SIRPA: variants seen among roughly 807,000 people sequenced by gnomAD.
SIRPA encodes the protein tyrosine-protein phosphatase non-receptor type substrate 1.
A neutral mutation model predicts 50.3 loss-of-function variants in SIRPA; 9 were observed. The observed-to-expected ratio is 0.18, with a 90% CI of 0.11 to 0.31. The LOEUF is 0.31. Ranked by LOEUF, SIRPA falls within the 10% of genes least tolerant of loss-of-function variation. SIRPA has a pLI of 1.00. For synonymous variants in SIRPA, 265 were observed against 284.1 expected (o/e 0.93, Z 0.68); for missense variants, 474 against 661.6 (o/e 0.72, Z 3.11).
intron 1 of SIRPA, among the ~76,000 whole-genome samples, chr20:1,895,993 C>A (rs1371528268): frequency 6.6e-6 from 1 of 152,212 alleles, no homozygotes; most frequent in East Asian, 1.9e-4. Context: ...GGAACAGAGA[C>A]AAGCTGTTGC....
intron 6 of SIRPA, among the ~76,000 whole-genome samples, chr20:1,931,402 A>C (rs1399352554): frequency 6.8e-6 from 1 of 146,280 alleles, no homozygotes; most frequent in African/African-American, 2.5e-5. Context: ...TCTTGTACTA[A>C]AGCTAGTGCC....
chr20:1,908,282 CTGCT>C (rs1305964723), intron 1 of SIRPA, among the ~76,000 whole-genome samples: 1 of 152,038 alleles, frequency 6.6e-6, no homozygotes, highest in Non-Finnish European at 1.5e-5. Flanking sequence ...GCATACCTCC[CTGCT>C]TGTCAATGCA....
intron 2 of SIRPA, 120 bp from the exon 3 acceptor site, chr20:1,921,275 C>T (rs1396957652): frequency 1.3e-6 from 2 of 1,550,878 alleles, no homozygotes; most frequent in Admixed American, 1.8e-5. Context: ...CTCATTAATC[C>T]TTCCACATTA....
At chr20:1,895,625 A>G in intron 1 of SIRPA, 99 bp downstream of exon 1, 1 of 917,476 alleles carries the variant, frequency 1.1e-6, no homozygotes, top group Non-Finnish European at 1.5e-6. Flanking sequence ...CCGAGCAGTA[A>G]TAGGGGGAGA....
chr20:1,899,847 G>C, intron 1 of SIRPA, among the ~76,000 whole-genome samples: 1 of 152,198 alleles, frequency 6.6e-6, no homozygotes, highest in South Asian at 2.1e-4. Flanking sequence ...TCTATTGCAA[G>C]GATTAAGTTA....
Position 1,927,866 on chromosome 20 carries a change from G to C in SIRPA, c.1202-9G>C. On this transcript the variant is annotated splice_polypyrimidine_tract_variant and intron_variant, in intron 5 of 7. Transcript: ENST00000358771. The surrounding 1 kb of genome is among the most constrained non-coding windows in gnomAD (Gnocchi z 6.5). ...TAAACAACTGGCTTTTGTTTCTTTT[G>C]TCTTTCAGCCCAGGGCTCCACTTCT... The C allele has an allele frequency of 6.2e-7, 1 of 1,613,826 alleles. No individual in the cohort carries two copies. Among genetic ancestry groups the C allele is most frequent in the Non-Finnish European group, 8.5e-7 (1 of 1,179,714 alleles).
chr20:1,915,826 G>A lies in SIRPA; in HGVS notation c.436+371G>A, dbSNP rs572193051. Among the ~76,000 whole-genome samples, 12 of 152,332 alleles carry A rather than the reference G, an allele frequency of 7.9e-5. No homozygotes were observed. The South Asian group carries it at 1.9e-3, about 24-fold the overall frequency. ...AGAGCACTTCCCTCTCAGGGCAGCC[G>A]AGTCTCCTCTATGTGACAGGCACTC... On this transcript the variant is annotated intron_variant, in intron 2 of 7. Coordinates refer to ENST00000358771, the MANE Select transcript of SIRPA (RefSeq NM_001040023.2).
intron 1 of SIRPA, 38 bp downstream of exon 1, chr20:1,895,564 A>G (rs1250194853): frequency 7.3e-7 from 1 of 1,370,704 alleles, no homozygotes; most frequent in Non-Finnish European, 9.4e-7. Context: ...GCACTCCCCA[A>G]ACTGCGGGCT....
chr20:1,895,029 T>TCGCGCGGTCCTCTCTCC (rs1472082174), upstream of SIRPA, among the ~76,000 whole-genome samples: 159 of 149,078 alleles, frequency 1.1e-3, 1 homozygote, highest in African/African-American at 3.8e-3. Flanking sequence ...TCGCCCCTGC[T>TCGCGCGGTCCTCTCTCC]CGCGCGGTCC....
At position 1,903,484 on chromosome 20, in the gene SIRPA, C is replaced by T. The variant is rs533838886; in HGVS notation, c.79+7958C>T. On this transcript the variant is annotated intron_variant, in intron 1 of 7. Transcript: ENST00000358771. ...TGCTTTCCGCAGCCGTCCTTGCCCC[C>T]TTCGGGCTCTTCACCCATAGCAGCT... 7.9e-5 allele frequency among the ~76,000 whole-genome samples: 12 copies of T among 152,310 alleles called. No homozygotes were observed. In the East Asian group the frequency reaches 2.1e-3, roughly 27 times the overall value.
chr20:1,902,914 C>T (rs1353168426), intron 1 of SIRPA, among the ~76,000 whole-genome samples: 2 of 146,082 alleles, frequency 1.4e-5, no homozygotes, highest in African/African-American at 2.6e-5. Flanking sequence ...CTGGAGGCTG[C>T]GGCAGGAGAA....
rs567000686 is a variant in SIRPA at position 1,924,980 on chromosome 20, T to A, written c.1201+103T>A. ...GGTTAAGGACATCAGCTTCTGCCAG[T>A]AGCAAGAAGTCCAGAGGTAGTGGTG... is the stretch of plus-strand genomic sequence containing the variant. On this transcript the variant is annotated intron_variant, in intron 5 of 7. Coordinates refer to ENST00000358771, the MANE Select transcript of SIRPA (RefSeq NM_001040023.2). The surrounding 1 kb of genome is among the most constrained non-coding windows in gnomAD (Gnocchi z 4.5). 40 of 869,770 alleles carry A rather than the reference T, an allele frequency of 4.6e-5. No individual in the cohort carries two copies. Among genetic ancestry groups the A allele is most frequent in the South Asian group, 1.9e-4 (13 of 67,976 alleles). 53.9% of individuals were successfully genotyped at this position (869,770 alleles called of 1,614,324 possible). A position where few individuals can be genotyped will look rare whatever the true frequency, so the allele number is the denominator to read the frequency against.
chr20:1,928,599 G>A lies in SIRPA; in HGVS notation c.1226+700G>A, dbSNP rs898134211. Among the ~76,000 whole-genome samples the A allele has an allele frequency of 1.3e-5, 2 of 152,156 alleles. No homozygotes were observed. The highest frequency in any genetic ancestry group is 2.4e-5 in the African/African-American group (1 of 41,404). On this transcript the variant is annotated intron_variant, in intron 6 of 7. Transcript: ENST00000358771. The surrounding 1 kb of genome is among the most constrained non-coding windows in gnomAD (Gnocchi z 4.9). ...GATTCATGGTGTCATATCAGGTGGT[G>A]ACAACTCCTACCCTGCAAGGAGATG... is the stretch of plus-strand genomic sequence containing the variant.
At chr20:1,913,077 G>C (rs1042959698) in intron 1 of SIRPA, among the ~76,000 whole-genome samples, 9 of 152,186 alleles carry the variant, frequency 5.9e-5, no homozygotes, top group African/African-American at 2.2e-4. Flanking sequence ...ATCTTGCCAT[G>C]TTCAACTTCA....
At chr20:1,901,710 G>A (rs973243232) in intron 1 of SIRPA, among the ~76,000 whole-genome samples, 1 of 152,174 alleles carries the variant, frequency 6.6e-6, no homozygotes, top group African/African-American at 2.4e-5. Context: ...CAGCTGAGGT[G>A]GAAGTCGGAA....
At chr20:1,914,211 G>T (rs1267477228) in intron 1 of SIRPA, among the ~76,000 whole-genome samples, 1 of 152,152 alleles carries the variant, frequency 6.6e-6, no homozygotes, top group Non-Finnish European at 1.5e-5. Context: ...CAAAGCAGAG[G>T]CCTGGGGGCT....
chr20:1,939,198 AGTTGAGACGCTAAT>A lies in SIRPA; in HGVS notation c.*1634_*1647del, dbSNP rs1986757821. On this transcript the variant is annotated 3_prime_UTR_variant, in exon 8 of 8. Coordinates refer to ENST00000358771, the MANE Select transcript of SIRPA (RefSeq NM_001040023.2). The surrounding 1 kb of genome is among the most constrained non-coding windows in gnomAD (Gnocchi z 4.7). ...ATTCAGTCTTCACTATAACTCTTAGAGTTGAGACGCTAATGTTCATGACTCCTGGCCTTGGGATG... is the reference window on the plus strand; with the variant it reads ...ATTCAGTCTTCACTATAACTCTTAGAGTTCATGACTCCTGGCCTTGGGATG... The A allele has an allele frequency of 6.6e-6, 1 of 152,120 alleles. No homozygotes were observed. Among genetic ancestry groups the A allele is most frequent in the African/African-American group, 2.4e-5 (1 of 41,426 alleles). The allele number at this position is 152,120 out of a possible 1,614,324, so 9.4% of individuals were successfully genotyped here.
In SIRPA at chr20:1,927,050, T is replaced by C. The variant is rs754525412; in HGVS notation, c.1202-825T>C. ...TGTCAGCCTCCACTCAGACTTTCGG[T>C]GCTGAGCACAGCTTCCAACTGGTAC... On this transcript the variant is annotated intron_variant, in intron 5 of 7. Coordinates refer to ENST00000358771, the MANE Select transcript of SIRPA (RefSeq NM_001040023.2). This position sits in a 1 kb window ranked among gnomAD's most constrained non-coding sequence, Gnocchi z 6.5. 3.9e-5 allele frequency among the ~76,000 whole-genome samples: 6 copies of C among 152,198 alleles called. No homozygotes were observed. Among genetic ancestry groups the C allele is most frequent in the African/African-American group, 7.2e-5 (3 of 41,454 alleles).
rs938533083 is a variant in SIRPA at position 1,928,360 on chromosome 20, T to C, written c.1226+461T>C. 8.5e-5 allele frequency among the ~76,000 whole-genome samples: 13 copies of C among 152,214 alleles called. No homozygotes were observed. The highest frequency in any genetic ancestry group is 2.7e-4 in the African/African-American group (11 of 41,452). ...CTGTGCCCTCTGCAAGCTCACAGCC[T>C]GGTCAGAGGCTCAGACGGTGACATT... is the stretch of plus-strand genomic sequence containing the variant. On this transcript the variant is annotated intron_variant, in intron 6 of 7. Transcript: ENST00000358771. This position sits in a 1 kb window ranked among gnomAD's most constrained non-coding sequence, Gnocchi z 4.9.
Sources: allele counts gnomAD v4.1 joint callset (sites outside exome capture counted in the v4.1 genomes callset), GRCh38; gene constraint gnomAD v4.1.1; non-coding constraint Gnocchi (gnomAD v3.1); transcripts MANE v1.5; gene names NCBI Gene and HGNC (gene_info 2026-07-23, HGNC 2026-07-21).